Variants in GNAO1 observed in about 807,000 individuals in gnomAD.
GNAO1 encodes guanine nucleotide-binding protein G(o) subunit alpha.
For missense variants in GNAO1, 166 were observed against 478.7 expected (o/e 0.35, Z 6.10); for synonymous variants, 164 against 180.7 (o/e 0.91, Z 0.74).
intron 2 of GNAO1, among the ~76,000 whole-genome samples, chr16:56,210,703 A>G (rs2036378309): frequency 6.6e-6 from 1 of 152,216 alleles, no homozygotes; most frequent in Non-Finnish European, 1.5e-5. Context: ...CTTATTTGCC[A>G]TCTGTATATC....
chr16:56,344,121 A>T, intron 6 of GNAO1: 1 of 1,444,186 alleles, frequency 6.9e-7, no homozygotes, highest in Non-Finnish European at 9.1e-7. Flanking sequence ...CCCCAACAGA[A>T]CTTGTGGTAA....
At chr16:56,226,464 C>G (rs1051914263) in intron 2 of GNAO1, 8 of 152,164 alleles carry the variant, frequency 5.3e-5, no homozygotes, top group Non-Finnish European at 1.2e-4. Flanking sequence ...ACAACTCACT[C>G]CAGCACACCA....
intron 3 of GNAO1, among the ~76,000 whole-genome samples, chr16:56,306,636 C>T (rs906945233): frequency 1.3e-5 from 2 of 152,110 alleles, no homozygotes; most frequent in South Asian, 2.1e-4. Flanking sequence ...AACTACAAGG[C>T]GGGAAATGTC....
rs1211773335 is a variant in GNAO1 at position 56,286,425 on chromosome 16, A to G, written c.303+10353A>G. ...CAGGCCCAGAGAGTCAGAAATTCAG[A>G]CACACATGTGGGGAGTGGGGGCTTG... On this transcript the variant is annotated intron_variant, in intron 3 of 8. Coordinates refer to ENST00000262493, the MANE Select transcript of GNAO1 (RefSeq NM_020988.3). 2.0e-5 allele frequency among the ~76,000 whole-genome samples: 3 copies of G among 152,118 alleles called. No homozygotes were observed. The East Asian group carries it at 5.8e-4, about 29-fold the overall frequency.
Position 56,357,114 on chromosome 16 carries a change from G to A in GNAO1, c.*1040G>A, listed in dbSNP as rs1220748877. On this transcript the variant is annotated 3_prime_UTR_variant, in exon 9 of 9. Transcript: ENST00000262493. Reference sequence around the variant, plus strand: ...ATGTAGTGTTTACATTAAAGCCGCCGTTTTCATGACCAATCCTATGTCATT... The same window carrying A: ...ATGTAGTGTTTACATTAAAGCCGCCATTTTCATGACCAATCCTATGTCATT... 2 of 152,046 alleles carry A rather than the reference G, an allele frequency of 1.3e-5. No homozygotes were observed. The highest frequency in any genetic ancestry group is 2.4e-5 in the African/African-American group (1 of 41,312). 9.4% of individuals were successfully genotyped at this position (152,046 alleles called of 1,614,324 possible). A position where few individuals can be genotyped will look rare whatever the true frequency, so the allele number is the denominator to read the frequency against.
intron 6 of GNAO1, among the ~76,000 whole-genome samples, chr16:56,338,218 C>T (rs1046805606): frequency 1.3e-5 from 2 of 152,134 alleles, no homozygotes; most frequent in East Asian, 1.9e-4. Context: ...GGACCCGTTC[C>T]GTGTACAGGC....
At chr16:56,276,286 T>C in intron 3 of GNAO1, 1 of 437,440 alleles carries the variant, frequency 2.3e-6, no homozygotes. Context: ...TTGCAGGGGC[T>C]ACAAAACTCC....
chr16:56,317,319 C>T (rs1596861093), intron 3 of GNAO1, among the ~76,000 whole-genome samples: 1 of 152,214 alleles, frequency 6.6e-6, no homozygotes, highest in Non-Finnish European at 1.5e-5. Flanking sequence ...CAGGGAAAAC[C>T]TCAGGGGCTG....
intron 2 of GNAO1, among the ~76,000 whole-genome samples, chr16:56,258,260 T>A (rs567438103): frequency 6.6e-5 from 10 of 152,328 alleles, no homozygotes; most frequent in Admixed American, 5.2e-4. Flanking sequence ...GCTCTGCTGC[T>A]TACTGGCTCT....
intron 3 of GNAO1, among the ~76,000 whole-genome samples, chr16:56,305,160 A>C (rs1056507668): frequency 6.6e-6 from 1 of 152,192 alleles, no homozygotes; most frequent in Non-Finnish European, 1.5e-5. Context: ...TGCAAGGATG[A>C]GGAGATGGTA....
intron 3 of GNAO1, among the ~76,000 whole-genome samples, chr16:56,294,553 C>T (rs1468464237): frequency 6.6e-6 from 1 of 152,112 alleles, no homozygotes; most frequent in Non-Finnish European, 1.5e-5. Flanking sequence ...TTCTGGGACT[C>T]TTATGAATAA....
At chr16:56,350,577 G>A (rs1264597206) in intron 6 of GNAO1, among the ~76,000 whole-genome samples, 7 of 152,184 alleles carry the variant, frequency 4.6e-5, no homozygotes, top group Non-Finnish European at 8.8e-5. Flanking sequence ...CTGTGTGCAG[G>A]GCAGCCCTCC....
At chr16:56,250,283 G>A (rs1230990388) in intron 2 of GNAO1, among the ~76,000 whole-genome samples, 1 of 152,174 alleles carries the variant, frequency 6.6e-6, no homozygotes, top group African/African-American at 2.4e-5. Context: ...CTTACCAGGG[G>A]TCTTCAGACC....
chr16:56,300,325 C>A (rs757020140), intron 3 of GNAO1, among the ~76,000 whole-genome samples: 3 of 152,054 alleles, frequency 2.0e-5, no homozygotes, highest in African/African-American at 7.2e-5. Flanking sequence ...AGTGGTCAGG[C>A]GGTACAGAGA....
In GNAO1 at chr16:56,346,168, C is replaced by T. The variant is rs1253941928; in HGVS notation, c.724-5216C>T. On this transcript the variant is annotated intron_variant, in intron 6 of 8. Transcript: ENST00000262493. ...TAGCCTGGGGGTGGTCCTTGGTCCT[C>T]AGGGGTATCCGGGGAGAAATTCTCT... The T allele has an allele frequency of 6.1e-6, 6 of 985,436 alleles. No individual in the cohort carries two copies. The African/African-American group carries it at 8.7e-5, about 14-fold the overall frequency. The allele number at this position is 985,436 out of a possible 1,614,324, so 61.0% of individuals were successfully genotyped here. A position where few individuals can be genotyped will look rare whatever the true frequency, so the allele number is the denominator to read the frequency against.
intron 2 of GNAO1, among the ~76,000 whole-genome samples, chr16:56,259,445 A>G (rs1301249111): frequency 2.0e-5 from 3 of 152,164 alleles, no homozygotes; most frequent in Admixed American, 6.5e-5. Flanking sequence ...GCCCTGTTCC[A>G]TACCAGCCTG....
At chr16:56,279,596 G>A (rs2037096150) in intron 3 of GNAO1, among the ~76,000 whole-genome samples, 1 of 152,176 alleles carries the variant, frequency 6.6e-6, no homozygotes, top group Non-Finnish European at 1.5e-5. Context: ...TCTTGTCCAT[G>A]AAGCCTCCTT....
intron 6 of GNAO1, chr16:56,345,540 C>A: frequency 3.1e-6 from 3 of 967,716 alleles, no homozygotes; most frequent in Non-Finnish European, 3.6e-6. Flanking sequence ...TTCCCTAGTG[C>A]CAAATGCCTG....
intron 6 of GNAO1, chr16:56,344,910 G>T (rs1469280985): frequency 6.1e-6 from 6 of 985,372 alleles, no homozygotes; most frequent in Non-Finnish European, 7.2e-6. Context: ...TTTGCAGCCA[G>T]TGCCTCCGCC....
Sources: gnomAD v4.1 joint callset for allele counts (sites outside exome capture counted in the v4.1 genomes callset) on GRCh38, gnomAD v4.1.1 for gene constraint, MANE v1.5 for transcripts, NCBI Gene and HGNC (gene_info 2026-07-23, HGNC 2026-07-21) for gene names.